DMTF1: variants seen among roughly 807,000 people sequenced by gnomAD.
DMTF1 encodes cyclin-D-binding Myb-like transcription factor 1.
Under a neutral mutation model 91.1 loss-of-function variants are expected in DMTF1, and 39 were observed. The observed-to-expected ratio is 0.43, with a 90% CI of 0.33 to 0.56. The LOEUF (loss-of-function observed/expected upper bound fraction) is 0.56, where lower values mean the gene tolerates loss of function less well. Among genes scored for constraint, DMTF1 ranks in the 20% least tolerant of loss-of-function variants. The probability of loss-of-function intolerance (pLI) is 0.05; values close to 1 mark genes in which losing one functional copy is unlikely to be tolerated. For synonymous variants in DMTF1, 338 were observed against 309.5 expected, an observed-to-expected ratio of 1.09 and a Z score of -0.97; for missense variants, 750 against 914.5, an observed-to-expected ratio of 0.82 and a Z score of 2.32.
intron 11 of DMTF1, chr7:87,184,919 C>G: frequency 2.0e-6 from 1 of 510,294 alleles, no homozygotes; most frequent in Non-Finnish European, 3.8e-6. Flanking sequence ...GGCAGTGTAG[C>G]TTTTCCACTG....
At position 87,171,105 on chromosome 7, in the gene DMTF1, T is replaced by C. The variant is rs1180096511; in HGVS notation, c.327+16T>C. On this transcript the variant is annotated intron_variant, in intron 5 of 17. Transcript: ENST00000331242. Reference sequence around the variant, plus strand: ...ACAGATACAGGTATAGTAAATCTTTTAACTGGCCTCAGGAGGATGATCCTT... The same window carrying C: ...ACAGATACAGGTATAGTAAATCTTTCAACTGGCCTCAGGAGGATGATCCTT... 6.6e-7 allele frequency: 1 copy of C among 1,518,468 alleles called. No individual in the cohort carries two copies. Among genetic ancestry groups the C allele is most frequent in the Non-Finnish European group, 9.1e-7 (1 of 1,099,768 alleles). The allele number at this position is 1,518,468 out of a possible 1,614,324, so 94.1% of individuals were successfully genotyped here.
chr7:87,164,256 A>G (rs1793268758), intron 2 of DMTF1: 1 of 152,116 alleles, frequency 6.6e-6, no homozygotes, highest in African/African-American at 2.4e-5. Flanking sequence ...CCCACTAGCC[A>G]TGAGATGCTA....
intron 1 of DMTF1, among the ~76,000 whole-genome samples, chr7:87,157,781 GTTATA>G (rs1024864924): frequency 1.3e-5 from 2 of 150,816 alleles, no homozygotes; most frequent in Admixed American, 6.6e-5. Flanking sequence ...GAGCTATAAG[GTTATA>G]TTATAATGAA....
chr7:87,184,989 T>TC, intron 11 of DMTF1: 2 of 436,368 alleles, frequency 4.6e-6, no homozygotes, highest in Admixed American at 2.6e-5. Context: ...AGAGGGCTGT[T>TC]CAGTCTCCAT....
Position 87,185,910 on chromosome 7 carries a change from A to G in DMTF1, c.1131A>G (p.Pro377=). ...AGGGATGGAGTAGTGTCCGTTCACCACAATGGCTACGAAGTAAATGGTGGA... is the reference window on the plus strand; with the variant it reads ...AGGGATGGAGTAGTGTCCGTTCACCGCAATGGCTACGAAGTAAATGGTGGA... ...LAEGWSSVRS[P]QWLRSKWWTI... is the part of the protein sequence containing the mutation. Residue 377 remains proline (P), a synonymous_variant, in exon 12 of 18, where the codon CCA becomes CCG. Transcript: ENST00000331242. The G allele has an allele frequency of 6.2e-7, 1 of 1,614,022 alleles. No homozygotes were observed. The highest frequency in any genetic ancestry group is 8.5e-7 in the Non-Finnish European group (1 of 1,179,896).
chr7:87,189,620 A>G (rs1799279031), intron 13 of DMTF1, among the ~76,000 whole-genome samples: 1 of 152,158 alleles, frequency 6.6e-6, no homozygotes, highest in African/African-American at 2.4e-5. Flanking sequence ...TAAGTGTTCT[A>G]CAATCCACCT....
In DMTF1 at chr7:87,181,875, T is replaced by C. The variant is rs7783671; in HGVS notation, c.711-353T>C. 4.0e-3 allele frequency: 1,949 copies of C among 484,646 alleles called. 26 individuals are homozygous for C. The highest frequency in any genetic ancestry group is 0.034 in the African/African-American group (1,746 of 50,722). 30.0% of individuals were successfully genotyped at this position (484,646 alleles called of 1,614,324 possible). A position where few individuals can be genotyped will look rare whatever the true frequency, so the allele number is the denominator to read the frequency against. On this transcript the variant is annotated intron_variant, in intron 9 of 17. Coordinates refer to ENST00000331242, the MANE Select transcript of DMTF1 (RefSeq NM_001142327.2). ...ATAATGATAAAGACCTGTGAAACTTTAGATGTCTAAAGAAGAGTTTGTTGG... is the reference window on the plus strand; with the variant it reads ...ATAATGATAAAGACCTGTGAAACTTCAGATGTCTAAAGAAGAGTTTGTTGG...
chr7:87,153,885 TTTTTCAGTTA>T (rs1268533111), intron 1 of DMTF1, among the ~76,000 whole-genome samples: 7 of 152,248 alleles, frequency 4.6e-5, no homozygotes, highest in Non-Finnish European at 1.0e-4. Context: ...AAAATCTGTT[TTTTTCAGTTA>T]AGGGTTTTCA....
chr7:87,156,465 A>G (rs545517189), intron 1 of DMTF1, among the ~76,000 whole-genome samples: 1 of 152,300 alleles, frequency 6.6e-6, no homozygotes, highest in African/African-American at 2.4e-5. Context: ...TTAATTGAAT[A>G]TGCCTTATGT....
intron 14 of DMTF1, 91 bp downstream of exon 14, chr7:87,191,118 A>G: frequency 7.3e-6 from 6 of 825,724 alleles, no homozygotes; most frequent in Non-Finnish European, 5.8e-6. Context: ...ATGATTCATA[A>G]AAGTCTGAGG....
Position 87,193,184 on chromosome 7 carries a change from C to A in DMTF1, c.1495-14C>A, listed in dbSNP as rs750713515. On this transcript the variant is annotated splice_polypyrimidine_tract_variant and intron_variant, in intron 14 of 17. Coordinates refer to ENST00000331242, the MANE Select transcript of DMTF1 (RefSeq NM_001142327.2). ...ACTTAATCATTGTTAAACTATCTTT[C>A]CTTTTTCCTTTAGTCTTTCCATCTA... 6.2e-7 allele frequency: 1 copy of A among 1,612,192 alleles called. No individual in the cohort carries two copies. Among genetic ancestry groups the A allele is most frequent in the Admixed American group, 1.7e-5 (1 of 59,774 alleles).
intron 4 of DMTF1, among the ~76,000 whole-genome samples, chr7:87,169,818 G>C (rs538426557): frequency 2.0e-5 from 3 of 152,288 alleles, no homozygotes; most frequent in South Asian, 4.1e-4. Flanking sequence ...CTCCACTGCT[G>C]ACTTTTCCAT....
At chr7:87,176,083 G>A (rs2108272) in intron 7 of DMTF1, among the ~76,000 whole-genome samples, 128,286 of 152,198 alleles carry the variant, frequency 0.84, 54,298 homozygotes, top group Middle Eastern at 0.96. Flanking sequence ...CTATCGTTTG[G>A]TATATTGACT....
intron 1 of DMTF1, among the ~76,000 whole-genome samples, chr7:87,159,694 G>A (rs1791743905): frequency 3.3e-5 from 5 of 152,204 alleles, no homozygotes; most frequent in Admixed American, 3.3e-4. Flanking sequence ...TTGAGCTGAT[G>A]TGCAGTCATG....
intron 1 of DMTF1, among the ~76,000 whole-genome samples, chr7:87,156,623 G>A (rs1790801284): frequency 6.6e-6 from 1 of 152,078 alleles, no homozygotes; most frequent in Non-Finnish European, 1.5e-5. Context: ...TTATGAAGAT[G>A]TTATGCTTAT....
chr7:87,194,568 A>ATATTCTGATTT (rs1189929766), intron 16 of DMTF1, 116 bp from the exon 17 acceptor site: 4 of 715,672 alleles, frequency 5.6e-6, no homozygotes, highest in Non-Finnish European at 8.7e-6. Context: ...TTTTTATTTT[A>ATATTCTGATTT]TATTCTGATT....
intron 13 of DMTF1, among the ~76,000 whole-genome samples, chr7:87,189,799 A>T (rs970802317): frequency 1.3e-5 from 2 of 152,094 alleles, no homozygotes; most frequent in African/African-American, 4.8e-5. Flanking sequence ...CCCTTTGAAA[A>T]TGTGAAAACC....
intron 7 of DMTF1, among the ~76,000 whole-genome samples, chr7:87,178,666 T>C (rs1244709856): frequency 1.3e-5 from 2 of 152,086 alleles, no homozygotes; most frequent in African/African-American, 4.8e-5. Flanking sequence ...AGGATAGCTA[T>C]GTTAGTGAAT....
chr7:87,179,462 C>T, intron 7 of DMTF1, 83 bp from the exon 8 acceptor site: 1 of 1,225,564 alleles, frequency 8.2e-7, no homozygotes, highest in South Asian at 2.8e-5. Flanking sequence ...TGACCTTTAA[C>T]ATTAAAACAA....
Sources: allele counts gnomAD v4.1 joint callset (sites outside exome capture counted in the v4.1 genomes callset), GRCh38; gene constraint gnomAD v4.1.1; transcripts MANE v1.5; gene names NCBI Gene and HGNC (gene_info 2026-07-23, HGNC 2026-07-21).